The following LOC128092253 variants were observed in gnomAD, a reference collection of about 807,000 sequenced individuals.
the LOC128092253 span, among the ~76,000 whole-genome samples, chr6:133,967,717 A>G: frequency 6.6e-6 from 1 of 152,202 alleles, no homozygotes; most frequent in Non-Finnish European, 1.5e-5. Flanking sequence ...ACGGTATTAT[A>G]ATATTATGGA....
the LOC128092253 span, chr6:133,980,038 A>T: frequency 7.7e-7 from 1 of 1,295,692 alleles, no homozygotes; most frequent in Non-Finnish European, 1.0e-6. Flanking sequence ...AAAGTGAATT[A>T]ACAACATTTA....
At chr6:133,967,754 G>A in the LOC128092253 span, among the ~76,000 whole-genome samples, 6 of 152,178 alleles carry the variant, frequency 3.9e-5, no homozygotes, top group East Asian at 7.7e-4. Flanking sequence ...TTGTTAGGCA[G>A]CACATGACTG....
At chr6:133,967,390 A>G in the LOC128092253 span, among the ~76,000 whole-genome samples, 1 of 152,228 alleles carries the variant, frequency 6.6e-6, no homozygotes, top group Non-Finnish European at 1.5e-5. Context: ...AATCAATAAG[A>G]AATCTTAGAA....
the LOC128092253 span, among the ~76,000 whole-genome samples, chr6:133,969,643 C>T: frequency 1.3e-5 from 2 of 152,054 alleles, no homozygotes; most frequent in Non-Finnish European, 2.9e-5. Context: ...GTAAAATTTT[C>T]TTCATGTGGC....
At chr6:133,979,987 A>C in the LOC128092253 span, 3 of 957,072 alleles carry the variant, frequency 3.1e-6, no homozygotes, top group Non-Finnish European at 4.3e-6. Context: ...AAAAATAAAT[A>C]ATATAGATTC....
At chr6:133,971,785 C>A in the LOC128092253 span, among the ~76,000 whole-genome samples, 1 of 151,876 alleles carries the variant, frequency 6.6e-6, no homozygotes, top group African/African-American at 2.4e-5. Context: ...CAGATTATTT[C>A]TTTTGCTGAG....
chr6:133,961,458 T>A, the LOC128092253 span, among the ~76,000 whole-genome samples: 1 of 141,706 alleles, frequency 7.1e-6, no homozygotes, highest in African/African-American at 2.7e-5. Flanking sequence ...TTTAAGATTC[T>A]TTCTTTCTTT....
chr6:133,968,124 G>A, the LOC128092253 span, among the ~76,000 whole-genome samples: 1 of 151,900 alleles, frequency 6.6e-6, no homozygotes, highest in Admixed American at 6.6e-5. Flanking sequence ...AAGTAGCTGG[G>A]ACTACAGGCG....
At chr6:133,964,818 G>A in the LOC128092253 span, among the ~76,000 whole-genome samples, 2 of 152,114 alleles carry the variant, frequency 1.3e-5, no homozygotes, top group East Asian at 3.8e-4. Flanking sequence ...TGGCATTTGT[G>A]CATGACATAG....
chr6:133,960,738 A>G, the LOC128092253 span, among the ~76,000 whole-genome samples: 3 of 152,184 alleles, frequency 2.0e-5, no homozygotes, highest in Non-Finnish European at 2.9e-5. Flanking sequence ...TGAATGGTTG[A>G]TATCTTGGAA....
the LOC128092253 span, among the ~76,000 whole-genome samples, chr6:133,971,090 C>T: frequency 8.5e-5 from 13 of 152,152 alleles, no homozygotes; most frequent in African/African-American, 1.7e-4. Flanking sequence ...CGTTCATTCT[C>T]ATCCTCTTCT....
chr6:133,955,197 A>G, the LOC128092253 span, among the ~76,000 whole-genome samples: 111 of 148,450 alleles, frequency 7.5e-4, no homozygotes, highest in Admixed American at 1.7e-3. Flanking sequence ...GTGTCCCTCA[A>G]CCTCAGGGCT....
chr6:133,953,313 G>C, the LOC128092253 span: 1 of 152,668 alleles, frequency 6.6e-6, no homozygotes, highest in African/African-American at 2.4e-5. Flanking sequence ...CATGGAGACT[G>C]GGGAGCGCGC....
chr6:133,964,833 T>C, the LOC128092253 span, among the ~76,000 whole-genome samples: 3 of 152,304 alleles, frequency 2.0e-5, no homozygotes, highest in South Asian at 6.2e-4. Flanking sequence ...ACATAGACCT[T>C]AAACAGGTTG....
the LOC128092253 span, among the ~76,000 whole-genome samples, chr6:133,972,678 GTGTT>G: frequency 0.61 from 91,919 of 150,872 alleles, 29,011 homozygotes; most frequent in Non-Finnish European, 0.71. Flanking sequence ...TATGATCTTG[GTGTT>G]TGTTTGTTTG....
the LOC128092253 span, among the ~76,000 whole-genome samples, chr6:133,967,385 A>G: frequency 1.3e-5 from 2 of 152,236 alleles, no homozygotes; most frequent in Non-Finnish European, 2.9e-5. Context: ...CCATAAATCA[A>G]TAAGAAATCT....
the LOC128092253 span, among the ~76,000 whole-genome samples, chr6:133,973,385 T>C: frequency 1.3e-5 from 2 of 152,238 alleles, no homozygotes; most frequent in Non-Finnish European, 2.9e-5. Flanking sequence ...ATACTTTAAG[T>C]AGCTAGATTC....
At chr6:133,955,333 G>A in the LOC128092253 span, among the ~76,000 whole-genome samples, 12 of 150,708 alleles carry the variant, frequency 8.0e-5, no homozygotes, top group Non-Finnish European at 1.0e-4. Flanking sequence ...GCTCTCCTCC[G>A]CCCCAATACT....
the LOC128092253 span, among the ~76,000 whole-genome samples, chr6:133,956,056 C>G: frequency 6.6e-6 from 1 of 152,104 alleles, no homozygotes; most frequent in Non-Finnish European, 1.5e-5. Context: ...ACTGTATAAT[C>G]TAGTTGAGTG....
Sources: allele counts gnomAD v4.1 joint callset (sites outside exome capture counted in the v4.1 genomes callset), GRCh38; gene constraint gnomAD v4.1.1; transcripts MANE v1.5.